The following SHISA9 variants were observed in gnomAD, a reference collection of about 807,000 sequenced individuals.
SHISA9 encodes the protein protein shisa-9.
A neutral mutation model predicts 38.0 loss-of-function variants in SHISA9; 13 were observed. That is an observed-to-expected ratio of 0.34 (90% CI 0.22 to 0.54). The LOEUF is 0.54. Ranked by LOEUF, SHISA9 falls within the 20% of genes least tolerant of loss-of-function variation. The probability of loss-of-function intolerance (pLI) is 0.91; values close to 1 mark genes in which losing one functional copy is unlikely to be tolerated. For synonymous variants in SHISA9, 275 were observed against 242.0 expected, an observed-to-expected ratio of 1.14 and a Z score of -1.27; for missense variants, 538 against 575.8, an observed-to-expected ratio of 0.93 and a Z score of 0.67.
rs1040608926 is a variant in SHISA9, at chr16:13,237,008, G to C, written c.*1599G>C. 1 of 152,182 alleles carries C rather than the reference G, an allele frequency of 6.6e-6. No homozygotes were observed. The highest frequency in any genetic ancestry group is 1.5e-5 in the Non-Finnish European group (1 of 68,038). The allele number at this position is 152,182 out of a possible 1,614,324, so 9.4% of individuals were successfully genotyped here. A position where few individuals can be genotyped will look rare whatever the true frequency, so the allele number is the denominator to read the frequency against. ...GTGGAAGCCCAAAGAAGTGGATTGA[G>C]AGAGAAGAGATTTTTATCTAAGGTG... On this transcript the variant is annotated 3_prime_UTR_variant, in exon 5 of 5. Coordinates refer to ENST00000558583, the MANE Select transcript of SHISA9 (RefSeq NM_001145204.3).
chr16:13,116,157 T>C (rs74012266), intron 2 of SHISA9, among the ~76,000 whole-genome samples: 7,616 of 152,252 alleles, frequency 0.05, 291 homozygotes, highest in East Asian at 0.17. Context: ...CATCTCCATC[T>C]GTCACTCAAA....
chr16:13,049,187 TG>T (rs57478386), intron 2 of SHISA9, among the ~76,000 whole-genome samples: 5,396 of 149,924 alleles, frequency 0.036, 282 homozygotes, highest in African/African-American at 0.13. Flanking sequence ...TGTGTGTGTG[TG>T]TGTGTGTGTG....
chr16:13,506,763 C>T, the SHISA9 span, among the ~76,000 whole-genome samples: 4 of 152,128 alleles, frequency 2.6e-5, no homozygotes, highest in African/African-American at 9.7e-5. Context: ...GCTTGAGACA[C>T]TGGGCATGGT....
chr16:13,049,742 C>T (rs1189011482), intron 2 of SHISA9, among the ~76,000 whole-genome samples: 1 of 152,112 alleles, frequency 6.6e-6, no homozygotes, highest in African/African-American at 2.4e-5. Flanking sequence ...TTGGGCAGTG[C>T]TGTCAAAATG....
At chr16:13,386,849 T>G in the SHISA9 span, among the ~76,000 whole-genome samples, 2 of 152,232 alleles carry the variant, frequency 1.3e-5, no homozygotes, top group Non-Finnish European at 2.9e-5. Flanking sequence ...ATGGTTATAT[T>G]TAAATTTATT....
chr16:13,068,676 C>T (rs1167152891), intron 2 of SHISA9, among the ~76,000 whole-genome samples: 1 of 152,224 alleles, frequency 6.6e-6, no homozygotes, highest in African/African-American at 2.4e-5. Flanking sequence ...ATTAAGAAGC[C>T]TAGCATCCCC....
In SHISA9 at chr16:12,902,046, G is replaced by C. The variant is rs964671969; in HGVS notation, c.-19G>C. The C allele has an allele frequency of 6.9e-7, 1 of 1,453,942 alleles. No individual in the cohort carries two copies. The highest frequency in any genetic ancestry group is 1.5e-5 in the African/African-American group (1 of 67,498). 90.1% of individuals were successfully genotyped at this position (1,453,942 alleles called of 1,614,324 possible). On this transcript the variant is annotated 5_prime_UTR_variant, in exon 1 of 5. Transcript: ENST00000558583. Reference sequence around the variant, plus strand: ...GCTCCAGCGGCGGCCGAGCGGCCGAGCCCGGGCTGGGAGACACCATGCGCC... The same window carrying C: ...GCTCCAGCGGCGGCCGAGCGGCCGACCCCGGGCTGGGAGACACCATGCGCC...
chr16:13,264,170 C>CTTTTTT, the SHISA9 span, among the ~76,000 whole-genome samples: 1 of 124,342 alleles, frequency 8.0e-6, no homozygotes, highest in Non-Finnish European at 1.7e-5. Flanking sequence ...TGTTTTAAAT[C>CTTTTTT]TTTTTTTTTT....
At chr16:13,481,281 C>A in the SHISA9 span, among the ~76,000 whole-genome samples, 1 of 151,492 alleles carries the variant, frequency 6.6e-6, no homozygotes, top group Non-Finnish European at 1.5e-5. Flanking sequence ...TTCCCATCAC[C>A]CAAGTATTTA....
rs535567240 is a variant in SHISA9 at position 13,194,631 on chromosome 16, G to A, written c.692-8763G>A. 2.6e-5 allele frequency among the ~76,000 whole-genome samples: 4 copies of A among 152,158 alleles called. 1 individual carries two copies. Among genetic ancestry groups the A allele is most frequent in the South Asian group, 4.1e-4 (2 of 4,824 alleles). ...CATTATCAATATCATCATTTTTTGTGTTACTTCTGTAATAAATCTCAATTC... is the reference window on the plus strand; with the variant it reads ...CATTATCAATATCATCATTTTTTGTATTACTTCTGTAATAAATCTCAATTC... On this transcript the variant is annotated intron_variant, in intron 2 of 4. Transcript: ENST00000558583.
chr16:13,560,861 T>G, the SHISA9 span, among the ~76,000 whole-genome samples: 1 of 152,228 alleles, frequency 6.6e-6, no homozygotes, highest in Non-Finnish European at 1.5e-5. Flanking sequence ...TAACAACTTT[T>G]TTTTGTTTTG....
At chr16:13,322,362 G>A in the SHISA9 span, among the ~76,000 whole-genome samples, 1 of 152,230 alleles carries the variant, frequency 6.6e-6, no homozygotes, top group Non-Finnish European at 1.5e-5. Flanking sequence ...CCAGACATCT[G>A]CATAATGGTT....
intron 2 of SHISA9, among the ~76,000 whole-genome samples, chr16:13,035,516 T>C (rs1196924206): frequency 7.0e-6 from 1 of 143,050 alleles, no homozygotes; most frequent in Non-Finnish European, 1.5e-5. Context: ...ATTATGATTA[T>C]GTGTTCCTGT....
At chr16:13,061,439 A>G (rs80057220) in intron 2 of SHISA9, among the ~76,000 whole-genome samples, 4,475 of 152,280 alleles carry the variant, frequency 0.029, 180 homozygotes, top group Admixed American at 0.1. Flanking sequence ...GCTTCGTCCG[A>G]CAATCTAAGA....
intron 2 of SHISA9, among the ~76,000 whole-genome samples, chr16:12,952,550 G>A (rs1343125731): frequency 2.6e-5 from 4 of 152,124 alleles, no homozygotes; most frequent in Admixed American, 2.0e-4. Flanking sequence ...ATTGTAATCC[G>A]AACTGTAATC....
At chr16:13,121,245 T>C (rs957235127) in intron 2 of SHISA9, among the ~76,000 whole-genome samples, 7 of 152,290 alleles carry the variant, frequency 4.6e-5, no homozygotes, top group East Asian at 1.9e-4. Context: ...TCACAGCACT[T>C]TGGGAGGCTG....
At chr16:13,017,716 T>C (rs934043755) in intron 2 of SHISA9, among the ~76,000 whole-genome samples, 2 of 152,220 alleles carry the variant, frequency 1.3e-5, no homozygotes, top group African/African-American at 2.4e-5. Flanking sequence ...TTTAGAATAG[T>C]TAAGTAGTAG....
chr16:13,144,470 C>G (rs2050429848), intron 2 of SHISA9, among the ~76,000 whole-genome samples: 1 of 152,006 alleles, frequency 6.6e-6, no homozygotes, highest in South Asian at 2.1e-4. Flanking sequence ...TCTTGAACAT[C>G]ACCTATCTCT....
At chr16:13,011,820 C>CT (rs2072680099) in intron 2 of SHISA9, among the ~76,000 whole-genome samples, 1 of 151,756 alleles carries the variant, frequency 6.6e-6, no homozygotes, top group Non-Finnish European at 1.5e-5. Flanking sequence ...CGTGCCTGGC[C>CT]TTTGACTTTT....
Sources: allele counts gnomAD v4.1 joint callset (sites outside exome capture counted in the v4.1 genomes callset), GRCh38; gene constraint gnomAD v4.1.1; transcripts MANE v1.5; gene names NCBI Gene and HGNC (gene_info 2026-07-23, HGNC 2026-07-21).